The following AGMO variants were observed in gnomAD, a reference collection of about 807,000 sequenced individuals.
AGMO encodes the protein alkylglycerol monooxygenase.
AGMO carries 75 observed loss-of-function variants against 60.2 expected under a neutral mutation model. The observed-to-expected ratio is 1.25, with a 90% CI of 1.03 to 1.51. The LOEUF (loss-of-function observed/expected upper bound fraction) is 1.51. Among genes scored for constraint, AGMO ranks in the 40% most tolerant of loss-of-function variants. AGMO has a pLI of 0.00. For synonymous variants in AGMO, 261 were observed against 177.1 expected (o/e 1.47, Z -3.76); for missense variants, 763 against 525.5 (o/e 1.45, Z -4.42).
intron 12 of AGMO, among the ~76,000 whole-genome samples, chr7:15,258,360 C>T (rs1462512273): frequency 6.6e-6 from 1 of 151,348 alleles, no homozygotes; most frequent in Non-Finnish European, 1.5e-5. Context: ...TTTTAGATAA[C>T]CAAATTACCT....
At chr7:15,461,473 T>C (rs1415960844) in intron 3 of AGMO, among the ~76,000 whole-genome samples, 3 of 75,948 alleles carry the variant, frequency 4.0e-5, no homozygotes, top group African/African-American at 1.1e-4. Flanking sequence ...TAAAGAACTT[T>C]AGTGAAAAAC....
At chr7:15,232,478 C>T (rs573581989) in intron 12 of AGMO, among the ~76,000 whole-genome samples, 3 of 152,144 alleles carry the variant, frequency 2.0e-5, no homozygotes, top group African/African-American at 2.4e-5. Context: ...AGAATACATG[C>T]GGCATAAAAA....
chr7:15,379,036 A>G (rs1006635079), intron 10 of AGMO, among the ~76,000 whole-genome samples: 3 of 151,976 alleles, frequency 2.0e-5, no homozygotes, highest in South Asian at 4.1e-4. Flanking sequence ...AATTAAGGCA[A>G]AAGTTTCAAA....
intron 12 of AGMO, among the ~76,000 whole-genome samples, chr7:15,245,120 C>T (rs1288856733): frequency 6.6e-6 from 1 of 152,136 alleles, no homozygotes; most frequent in Admixed American, 6.5e-5. Context: ...TCCAGATCAC[C>T]TTGAAGTTCC....
At chr7:15,557,362 G>T (rs1785173350) in intron 2 of AGMO, among the ~76,000 whole-genome samples, 1 of 152,032 alleles carries the variant, frequency 6.6e-6, no homozygotes, top group Non-Finnish European at 1.5e-5. Context: ...GCAAGCCCCT[G>T]TTGCTAGTGT....
chr7:15,266,908 T>G lies in AGMO; in HGVS notation c.1264-65549A>C, dbSNP rs931534366. ...TACTATCAGTAATCTCAAACTAGAC[T>G]AGCCAATTGTCGAAATTCCACAGAA... On this transcript the variant is annotated intron_variant, in intron 12 of 12. Transcript: ENST00000342526. Among the ~76,000 whole-genome samples the G allele has an allele frequency of 5.3e-5, 8 of 151,968 alleles. No homozygotes were observed. In the East Asian group the frequency reaches 1.5e-3, roughly 29 times the overall value.
At chr7:15,538,857 T>C (rs917772894) in intron 3 of AGMO, among the ~76,000 whole-genome samples, 1 of 152,166 alleles carries the variant, frequency 6.6e-6, no homozygotes, top group African/African-American at 2.4e-5. Context: ...GTTGTGGGAA[T>C]AAATATTTGT....
intron 12 of AGMO, among the ~76,000 whole-genome samples, chr7:15,257,343 T>C (rs949628520): frequency 6.6e-6 from 1 of 152,164 alleles, no homozygotes; most frequent in African/African-American, 2.4e-5. Context: ...CATATTAATA[T>C]TATAATGATT....
At chr7:15,202,606 A>G (rs1168827314) in intron 12 of AGMO, among the ~76,000 whole-genome samples, 3 of 152,038 alleles carry the variant, frequency 2.0e-5, no homozygotes, top group Non-Finnish European at 4.4e-5. Context: ...GGACTTCTTC[A>G]AATTCATGCA....
the AGMO span, among the ~76,000 whole-genome samples, chr7:15,138,749 A>C: frequency 6.6e-6 from 1 of 152,220 alleles, no homozygotes; most frequent in African/African-American, 2.4e-5. Flanking sequence ...AGAAAATTAA[A>C]TCTTTTTGAA....
At chr7:15,409,922 A>G (rs773586122) in intron 5 of AGMO, among the ~76,000 whole-genome samples, 1 of 151,766 alleles carries the variant, frequency 6.6e-6, no homozygotes, top group African/African-American at 2.4e-5. Flanking sequence ...AATTCTAATG[A>G]GTTGTTATTG....
intron 3 of AGMO, among the ~76,000 whole-genome samples, chr7:15,469,072 C>T (rs6461186): frequency 0.79 from 120,494 of 152,000 alleles, 47,954 homozygotes; most frequent in East Asian, 0.97. Context: ...TGGGAATGTA[C>T]GGGTTGTTTT....
intron 10 of AGMO, among the ~76,000 whole-genome samples, chr7:15,367,455 T>C (rs73064581): frequency 0.1 from 15,687 of 152,066 alleles, 958 homozygotes; most frequent in Admixed American, 0.19. Context: ...ATATCGGCTT[T>C]ATTTTTAAAA....
At chr7:15,346,187 T>C (rs1398035522) in intron 12 of AGMO, among the ~76,000 whole-genome samples, 1 of 152,144 alleles carries the variant, frequency 6.6e-6, no homozygotes, top group Non-Finnish European at 1.5e-5. Flanking sequence ...TCAAACTGCA[T>C]ATACAGTATG....
chr7:15,255,692 G>A (rs1204095958), intron 12 of AGMO, among the ~76,000 whole-genome samples: 2 of 152,056 alleles, frequency 1.3e-5, no homozygotes, highest in Admixed American at 6.6e-5. Context: ...TCCCAGAGAC[G>A]CATAAATGGT....
intron 3 of AGMO, among the ~76,000 whole-genome samples, chr7:15,449,492 T>C (rs1164409651): frequency 2.0e-5 from 3 of 152,200 alleles, no homozygotes; most frequent in Non-Finnish European, 2.9e-5. Flanking sequence ...TGTATAAATA[T>C]GTTTAGATAT....
intron 12 of AGMO, among the ~76,000 whole-genome samples, chr7:15,278,738 G>T (rs115511202): frequency 2.0e-5 from 3 of 152,120 alleles, no homozygotes; most frequent in Non-Finnish European, 4.4e-5. Context: ...CTCCCTCCCT[G>T]GTCCAGGGCA....
the AGMO span, among the ~76,000 whole-genome samples, chr7:15,181,940 T>C: frequency 1.3e-5 from 2 of 152,060 alleles, no homozygotes; most frequent in Non-Finnish European, 2.9e-5. Context: ...TTATTCACAA[T>C]AGCCAAAATG....
At chr7:15,555,270 C>CATATATATATAT (rs375890408) in intron 2 of AGMO, among the ~76,000 whole-genome samples, 10 of 114,064 alleles carry the variant, frequency 8.8e-5, no homozygotes, top group African/African-American at 2.5e-4. Context: ...TGTATTGGAT[C>CATATATATATAT]ATATATATAT....
Sources: gnomAD v4.1 joint callset for allele counts (sites outside exome capture counted in the v4.1 genomes callset) on GRCh38, gnomAD v4.1.1 for gene constraint, MANE v1.5 for transcripts, NCBI Gene and HGNC (gene_info 2026-07-23, HGNC 2026-07-21) for gene names.